The following GRIA4 variants were observed in gnomAD, a reference collection of about 807,000 sequenced individuals.
GRIA4 encodes the protein glutamate ionotropic receptor AMPA type subunit 4.
Under a neutral mutation model 104.0 loss-of-function variants are expected in GRIA4, and 34 were observed. The observed-to-expected ratio is 0.33, with a 90% CI of 0.25 to 0.44. The LOEUF (loss-of-function observed/expected upper bound fraction) is 0.44. Ranked by LOEUF, GRIA4 falls within the 20% of genes least tolerant of loss-of-function variation. GRIA4 has a pLI of 1.00. For missense variants in GRIA4, 750 were observed against 1,096.5 expected, an observed-to-expected ratio of 0.68 and a Z score of 4.46; for synonymous variants, 386 against 381.9, an observed-to-expected ratio of 1.01 and a Z score of -0.13.
chr11:105,856,909 T>C (rs1449987032), intron 4 of GRIA4, among the ~76,000 whole-genome samples: 1 of 152,138 alleles, frequency 6.6e-6, no homozygotes, highest in Admixed American at 6.6e-5. Context: ...TCTTGAGTGT[T>C]TGTAGAAAAG....
chr11:105,783,722 T>G (rs935407770), intron 4 of GRIA4, among the ~76,000 whole-genome samples: 1 of 150,714 alleles, frequency 6.6e-6, no homozygotes, highest in African/African-American at 2.4e-5. Flanking sequence ...TAAAAAGAGA[T>G]AAAACAGATT....
intron 14 of GRIA4, among the ~76,000 whole-genome samples, chr11:105,942,258 AC>A (rs769834455): frequency 6.6e-6 from 1 of 152,058 alleles, no homozygotes; most frequent in African/African-American, 2.4e-5. Flanking sequence ...AACAAAAAAA[AC>A]AGTTCATTTC....
chr11:105,661,296 G>T (rs762535542), intron 3 of GRIA4, among the ~76,000 whole-genome samples: 6 of 151,552 alleles, frequency 4.0e-5, no homozygotes, highest in Non-Finnish European at 7.4e-5. Context: ...GAGAAGTATA[G>T]GAGTATTATA....
At chr11:105,831,519 T>G (rs929320277) in intron 4 of GRIA4, among the ~76,000 whole-genome samples, 1 of 152,164 alleles carries the variant, frequency 6.6e-6, no homozygotes, top group African/African-American at 2.4e-5. Context: ...CTCATTTGTA[T>G]GCAGTGTTAA....
At chr11:105,926,403 T>C (rs1947706120) in intron 12 of GRIA4, among the ~76,000 whole-genome samples, 1 of 152,118 alleles carries the variant, frequency 6.6e-6, no homozygotes, top group Admixed American at 6.6e-5. Flanking sequence ...ATTTCAGAGA[T>C]GCTAAGAAAT....
chr11:105,866,822 G>A (rs1945438186), intron 5 of GRIA4, among the ~76,000 whole-genome samples: 2 of 151,662 alleles, frequency 1.3e-5, no homozygotes, highest in African/African-American at 2.4e-5. Flanking sequence ...GATATCAAAG[G>A]CATTTGATAG....
intron 3 of GRIA4, among the ~76,000 whole-genome samples, chr11:105,737,106 T>C (rs1458908635): frequency 1.3e-5 from 2 of 152,158 alleles, no homozygotes; most frequent in Non-Finnish European, 2.9e-5. Context: ...AATCAGAATT[T>C]ATTTAACTTT....
chr11:105,906,362 G>A (rs994594535), intron 9 of GRIA4, among the ~76,000 whole-genome samples: 25 of 152,164 alleles, frequency 1.6e-4, no homozygotes, highest in African/African-American at 5.5e-4. Flanking sequence ...ATTTCCTGCT[G>A]GAGGAAAACA....
At chr11:105,762,638 C>A (rs539545971) in intron 4 of GRIA4, among the ~76,000 whole-genome samples, 4 of 152,060 alleles carry the variant, frequency 2.6e-5, no homozygotes, top group Non-Finnish European at 5.9e-5. Flanking sequence ...ATGGGAGGGA[C>A]CTGGTTTGAA....
chr11:105,617,053 A>C (rs1044201322), intron 3 of GRIA4, among the ~76,000 whole-genome samples: 1 of 150,470 alleles, frequency 6.6e-6, no homozygotes, highest in African/African-American at 2.4e-5. Flanking sequence ...ATTTTTTTTC[A>C]ATCTGGAAAG....
intron 3 of GRIA4, among the ~76,000 whole-genome samples, chr11:105,718,663 G>A (rs1954184950): frequency 6.6e-6 from 1 of 152,164 alleles, no homozygotes; most frequent in South Asian, 2.1e-4. Context: ...GGTTCATGGT[G>A]GTAATGGTGG....
rs184316075 is a variant in GRIA4, at chr11:105,965,241, T to A, written c.2295-6673T>A. ...CAGTATCACATGCAGCATGACATCCTGGGGTTTAATTACTTAAACCGTCAA... is the reference window on the plus strand; with the variant it reads ...CAGTATCACATGCAGCATGACATCCAGGGGTTTAATTACTTAAACCGTCAA... On this transcript the variant is annotated intron_variant, in intron 14 of 16. Coordinates refer to ENST00000282499, the MANE Select transcript of GRIA4 (RefSeq NM_000829.4). Among the ~76,000 whole-genome samples, 254 of 151,756 alleles carry A rather than the reference T, an allele frequency of 1.7e-3. 2 individuals are homozygous for A. Among genetic ancestry groups the A allele is most frequent in the Admixed American group, 0.012 (178 of 15,178 alleles).
At chr11:105,621,132 T>C (rs1386775490) in intron 3 of GRIA4, among the ~76,000 whole-genome samples, 1 of 151,824 alleles carries the variant, frequency 6.6e-6, no homozygotes, top group Non-Finnish European at 1.5e-5. Context: ...TTTCCAGAAA[T>C]AGCAGAAATT....
intron 3 of GRIA4, among the ~76,000 whole-genome samples, chr11:105,673,789 AAAAT>A (rs1341435368): frequency 1.3e-5 from 2 of 151,986 alleles, no homozygotes; most frequent in South Asian, 2.1e-4. Flanking sequence ...TAATAAATTA[AAAAT>A]AAATAAATAT....
chr11:105,662,487 G>A lies in GRIA4; in HGVS notation c.247+50053G>A, dbSNP rs374909330. Among the ~76,000 whole-genome samples the A allele has an allele frequency of 3.3e-5, 5 of 151,880 alleles. No individual in the cohort carries two copies. The East Asian group carries it at 7.8e-4, about 24-fold the overall frequency. On this transcript the variant is annotated intron_variant, in intron 3 of 16. Transcript: ENST00000282499. The stretch of plus-strand genomic sequence containing the variant: ...GGTGGGGAGAAGGATAGGGTGGGAA[G>A]CGAGAATGTCAGCAGACCAAAGTGG...
At chr11:105,902,129 TG>T (rs1946882121) in intron 7 of GRIA4, among the ~76,000 whole-genome samples, 1 of 152,192 alleles carries the variant, frequency 6.6e-6, no homozygotes, top group African/African-American at 2.4e-5. Context: ...TATCATGTCC[TG>T]GGGGAATATA....
chr11:105,715,751 G>C (rs1423256902), intron 3 of GRIA4, among the ~76,000 whole-genome samples: 1 of 152,096 alleles, frequency 6.6e-6, no homozygotes, highest in Non-Finnish European at 1.5e-5. Flanking sequence ...AATTCAATGG[G>C]GTTGGGGTTT....
At chr11:105,945,957 C>A (rs940813795) in intron 14 of GRIA4, among the ~76,000 whole-genome samples, 1 of 151,842 alleles carries the variant, frequency 6.6e-6, no homozygotes, top group Admixed American at 6.6e-5. Context: ...TAAAATTAAC[C>A]ACTAATATCA....
chr11:105,713,246 C>T (rs1953976343), intron 3 of GRIA4, among the ~76,000 whole-genome samples: 1 of 151,734 alleles, frequency 6.6e-6, no homozygotes, highest in Non-Finnish European at 1.5e-5. Context: ...AGCTGGGCGT[C>T]GTGGTGCCTG....
Sources: allele counts gnomAD v4.1 joint callset (sites outside exome capture counted in the v4.1 genomes callset), GRCh38; gene constraint gnomAD v4.1.1; transcripts MANE v1.5; gene names NCBI Gene and HGNC (gene_info 2026-07-23, HGNC 2026-07-21).